The following SIK3 variants were observed in gnomAD, a reference collection of about 807,000 sequenced individuals.
SIK3 encodes the protein SIK family kinase 3.
SIK3 carries 28 observed loss-of-function variants against 144.2 expected under a neutral mutation model. The observed-to-expected ratio is 0.19, with a 90% CI of 0.14 to 0.27. The LOEUF is 0.27. Ranked by LOEUF, SIK3 falls within the 10% of genes least tolerant of loss-of-function variation. SIK3 has a pLI of 1.00. For synonymous variants in SIK3, 686 were observed against 676.3 expected, an observed-to-expected ratio of 1.01 and a Z score of -0.22; for missense variants, 1,319 against 1,776.0, an observed-to-expected ratio of 0.74 and a Z score of 4.62.
At chr11:117,002,819 GAATT>G (rs893316486) in intron 1 of SIK3, among the ~76,000 whole-genome samples, 3 of 152,200 alleles carry the variant, frequency 2.0e-5, no homozygotes, top group African/African-American at 7.2e-5. Flanking sequence ...GCAAGTATCT[GAATT>G]AATAAGCAGA....
intron 1 of SIK3, among the ~76,000 whole-genome samples, chr11:116,998,874 T>C (rs895734054): frequency 2.0e-5 from 3 of 152,204 alleles, no homozygotes; most frequent in Admixed American, 1.3e-4. Flanking sequence ...CATACAAATA[T>C]AGAAACTTAG....
intron 1 of SIK3, among the ~76,000 whole-genome samples, chr11:117,056,305 C>T (rs1953514309): frequency 6.6e-6 from 1 of 152,034 alleles, no homozygotes; most frequent in Non-Finnish European, 1.5e-5. Context: ...TGTTCTCACT[C>T]ATAGGTGGGA....
At chr11:117,047,917 T>C (rs1354734447) in intron 1 of SIK3, among the ~76,000 whole-genome samples, 7 of 152,210 alleles carry the variant, frequency 4.6e-5, no homozygotes, top group African/African-American at 7.2e-5. Flanking sequence ...TGAAGCAAGA[T>C]GGTGAATGTA....
chr11:116,881,980 C>T (rs1343594264), intron 6 of SIK3, among the ~76,000 whole-genome samples: 2 of 152,238 alleles, frequency 1.3e-5, no homozygotes, highest in African/African-American at 4.8e-5. Flanking sequence ...GTCAGTCTTA[C>T]TCCAGGGAGC....
At chr11:117,076,661 G>A (rs1005205919) in intron 1 of SIK3, among the ~76,000 whole-genome samples, 19 of 152,014 alleles carry the variant, frequency 1.2e-4, no homozygotes, top group Non-Finnish European at 2.2e-4. Context: ...AAGTAGCTGG[G>A]ATTACAGGCA....
intron 6 of SIK3, among the ~76,000 whole-genome samples, chr11:116,881,523 T>C (rs1000980786): frequency 5.9e-5 from 9 of 152,170 alleles, no homozygotes; most frequent in African/African-American, 2.2e-4. Flanking sequence ...AGTCCGTATC[T>C]GTGAAAGCAA....
At chr11:116,998,922 TAA>T (rs1022951299) in intron 1 of SIK3, among the ~76,000 whole-genome samples, 1 of 152,212 alleles carries the variant, frequency 6.6e-6, no homozygotes, top group Non-Finnish European at 1.5e-5. Flanking sequence ...TTAATCAAAC[TAA>T]AAGTGTATAG....
chr11:116,967,652 A>G (rs916653938), intron 1 of SIK3, among the ~76,000 whole-genome samples: 11 of 152,196 alleles, frequency 7.2e-5, no homozygotes, highest in African/African-American at 2.2e-4. Context: ...CCATTTTCAG[A>G]CTGCATTTCA....
intron 3 of SIK3, among the ~76,000 whole-genome samples, chr11:116,933,490 G>C (rs1947737804): frequency 6.6e-6 from 1 of 152,204 alleles, no homozygotes. Flanking sequence ...AGATGTACAA[G>C]AGTTTCCTTA....
At chr11:116,946,029 T>C (rs1247065835) in intron 3 of SIK3, among the ~76,000 whole-genome samples, 1 of 152,206 alleles carries the variant, frequency 6.6e-6, no homozygotes, top group African/African-American at 2.4e-5. Context: ...TACACCCACA[T>C]GCATCCTTTA....
chr11:116,946,561 G>T (rs981644227), intron 3 of SIK3, among the ~76,000 whole-genome samples: 7 of 152,120 alleles, frequency 4.6e-5, no homozygotes, highest in Admixed American at 3.9e-4. Context: ...AGCTGTGGAG[G>T]GAGATACTAT....
chr11:116,906,564 A>G (rs1946049749), intron 4 of SIK3, among the ~76,000 whole-genome samples: 1 of 152,282 alleles, frequency 6.6e-6, no homozygotes, highest in African/African-American at 2.4e-5. Context: ...AGGAGAGAGA[A>G]AGCGCGGCTA....
chr11:116,935,201 G>A (rs1211209240), intron 3 of SIK3, among the ~76,000 whole-genome samples: 9 of 150,104 alleles, frequency 6.0e-5, no homozygotes, highest in African/African-American at 2.2e-4. Flanking sequence ...TGAGCTATGA[G>A]CATGCCACTG....
chr11:117,087,834 C>T (rs1955080968), intron 1 of SIK3, among the ~76,000 whole-genome samples: 1 of 152,150 alleles, frequency 6.6e-6, no homozygotes, highest in African/African-American at 2.4e-5. Context: ...ACATCAAAGA[C>T]TTGTGCACAA....
In SIK3 at chr11:117,049,364, G is replaced by A. The variant is rs941834013; in HGVS notation, c.273+48779C>T. Among the ~76,000 whole-genome samples the A allele has an allele frequency of 2.7e-4, 41 of 152,194 alleles. 1 individual carries two copies. Among genetic ancestry groups the A allele is most frequent in the African/African-American group, 9.1e-4 (38 of 41,534 alleles). On this transcript the variant is annotated intron_variant, in intron 1 of 24. Coordinates refer to ENST00000445177, the MANE Select transcript of SIK3 (RefSeq NM_001366686.3). ...AGGCCAAGGCCGGGAGATCACTTAA[G>A]GTCAGGAGTTCGAGACCAGCCTGGC...
chr11:116,858,741 T>C lies in SIK3; in HGVS notation c.2766-42A>G. The C allele has an allele frequency of 1.3e-6, 2 of 1,515,206 alleles. No homozygotes were observed. Among genetic ancestry groups the C allele is most frequent in the Non-Finnish European group, 1.8e-6 (2 of 1,132,146 alleles). 93.9% of individuals were successfully genotyped at this position (1,515,206 alleles called of 1,614,324 possible). A position where few individuals can be genotyped will look rare whatever the true frequency, so the allele number is the denominator to read the frequency against. On this transcript the variant is annotated intron_variant, in intron 20 of 24. Transcript: ENST00000445177. This position sits in a 1 kb window ranked among gnomAD's most constrained non-coding sequence, Gnocchi z 5.4. ...GAGTACCAGACATCCATGTAACAAGTACTAGACTTCCTGGGAACAGCTCCT... is the reference window on the plus strand; with the variant it reads ...GAGTACCAGACATCCATGTAACAAGCACTAGACTTCCTGGGAACAGCTCCT...
rs2134551016 is a variant in SIK3 at position 116,875,162 on chromosome 11, G to C, written c.1423C>G (p.Pro475Ala). The C allele has an allele frequency of 1.2e-6, 2 of 1,613,338 alleles. No individual in the cohort carries two copies. The highest frequency in any genetic ancestry group is 2.2e-5 in the South Asian group (2 of 91,014). Residue 475 changes from proline (P) to alanine (A), a missense_variant, in exon 11 of 25, where the codon CCA (proline) becomes GCA (alanine). Transcript: ENST00000445177. ...MRRHTVGVADPRTEVMEDLQK... is the reference protein window; with the variant it reads ...MRRHTVGVADARTEVMEDLQK... ...GGCTGTTGGCCGGATACTCACCGTG[G>C]GTCAGCCACACCCACTGTGTGCCTC...
At chr11:116,860,835 G>C (rs1380255055) in intron 19 of SIK3, among the ~76,000 whole-genome samples, 1 of 152,190 alleles carries the variant, frequency 6.6e-6, no homozygotes, top group East Asian at 1.9e-4. Context: ...CTGTTCTCAT[G>C]ATAATGAGGG....
chr11:116,905,729 C>CT (rs1375369332), intron 4 of SIK3, among the ~76,000 whole-genome samples: 1 of 152,196 alleles, frequency 6.6e-6, no homozygotes, highest in Non-Finnish European at 1.5e-5. Context: ...TATTGAGCAT[C>CT]TTTTCATGTG....
Sources: gnomAD v4.1 joint callset for allele counts (sites outside exome capture counted in the v4.1 genomes callset) on GRCh38, gnomAD v4.1.1 for gene constraint, Gnocchi (gnomAD v3.1) non-coding constraint, MANE v1.5 for transcripts, NCBI Gene and HGNC (gene_info 2026-07-23, HGNC 2026-07-21) for gene names.